ATXN7L1: variants seen among roughly 807,000 people sequenced by gnomAD.
ATXN7L1 encodes the protein ataxin-7-like protein 1.
In ATXN7L1, 15 loss-of-function variants were observed where a neutral mutation model predicts 70.8. That is an observed-to-expected ratio of 0.21 (90% confidence interval 0.14 to 0.33). The LOEUF is 0.33. Among genes scored for constraint, ATXN7L1 ranks in the 10% least tolerant of loss-of-function variants. ATXN7L1 has a pLI of 1.00. For synonymous variants in ATXN7L1, 440 were observed against 445.1 expected (o/e 0.99, Z 0.14); for missense variants, 975 against 1,097.1 (o/e 0.89, Z 1.57).
chr7:105,817,130 ATC>A (rs1468336138), intron 2 of ATXN7L1, among the ~76,000 whole-genome samples: 4 of 152,202 alleles, frequency 2.6e-5, no homozygotes, highest in African/African-American at 4.8e-5. Flanking sequence ...TATTTTTATT[ATC>A]TCTCTGATGT....
At chr7:105,745,095 T>C (rs1798432205) in intron 3 of ATXN7L1, among the ~76,000 whole-genome samples, 1 of 152,212 alleles carries the variant, frequency 6.6e-6, no homozygotes, top group East Asian at 1.9e-4. Flanking sequence ...CTTTAATCAA[T>C]GATGTTAGTT....
At chr7:105,762,075 T>G (rs917434021) in intron 3 of ATXN7L1, among the ~76,000 whole-genome samples, 4 of 152,204 alleles carry the variant, frequency 2.6e-5, no homozygotes, top group African/African-American at 9.7e-5. Flanking sequence ...ATCCACCCCA[T>G]GGGAGGGACT....
intron 3 of ATXN7L1, among the ~76,000 whole-genome samples, chr7:105,707,475 T>C (rs1448255966): frequency 1.3e-5 from 2 of 152,172 alleles, no homozygotes; most frequent in African/African-American, 4.8e-5. Context: ...GGCTGGGCTA[T>C]GGGCTGAACC....
intron 3 of ATXN7L1, among the ~76,000 whole-genome samples, chr7:105,752,010 A>G (rs888473626): frequency 2.0e-5 from 3 of 152,274 alleles, no homozygotes; most frequent in African/African-American, 7.2e-5. Context: ...AGACATATCT[A>G]TCAGCATTTA....
intron 2 of ATXN7L1, among the ~76,000 whole-genome samples, chr7:105,850,967 A>G (rs1041745439): frequency 5.9e-5 from 9 of 152,074 alleles, no homozygotes; most frequent in Non-Finnish European, 1.2e-4. Flanking sequence ...CCGCTTCCTT[A>G]TAACTTACCT....
At chr7:105,703,047 C>T (rs1235945943) in intron 3 of ATXN7L1, among the ~76,000 whole-genome samples, 3 of 152,150 alleles carry the variant, frequency 2.0e-5, no homozygotes, top group Admixed American at 1.3e-4. Flanking sequence ...ACCTAGGAGG[C>T]GGAGCTTGCA....
At chr7:105,718,572 C>T (rs1794831390) in intron 3 of ATXN7L1, among the ~76,000 whole-genome samples, 1 of 152,222 alleles carries the variant, frequency 6.6e-6, no homozygotes, top group African/African-American at 2.4e-5. Flanking sequence ...ACCCTGAAAC[C>T]TCCCAGGCAG....
intron 2 of ATXN7L1, among the ~76,000 whole-genome samples, chr7:105,844,078 A>G (rs1458328218): frequency 1.3e-5 from 2 of 152,118 alleles, no homozygotes; most frequent in African/African-American, 4.8e-5. Context: ...CTCCACCCCA[A>G]ATGGCCTGCA....
intron 3 of ATXN7L1, among the ~76,000 whole-genome samples, chr7:105,714,646 G>T (rs1794313230): frequency 6.6e-6 from 1 of 151,822 alleles, no homozygotes; most frequent in Non-Finnish European, 1.5e-5. Context: ...ATGGCATCTG[G>T]ATAGCTTCTT....
At chr7:105,720,543 C>T (rs993399134) in intron 3 of ATXN7L1, among the ~76,000 whole-genome samples, 3 of 152,084 alleles carry the variant, frequency 2.0e-5, no homozygotes, top group Non-Finnish European at 4.4e-5. Flanking sequence ...CTCAGCCTCC[C>T]GAGTAGTTGG....
At chr7:105,666,758 G>T (rs1802676228) in intron 3 of ATXN7L1, among the ~76,000 whole-genome samples, 1 of 152,148 alleles carries the variant, frequency 6.6e-6, no homozygotes, top group South Asian at 2.1e-4. Flanking sequence ...GTAGACCTTT[G>T]CATACAGCTT....
chr7:105,622,447 T>TAGA (rs1795072255), intron 8 of ATXN7L1, among the ~76,000 whole-genome samples: 4 of 152,202 alleles, frequency 2.6e-5, no homozygotes, highest in African/African-American at 9.6e-5. Flanking sequence ...GGCTGGCATG[T>TAGA]TACGCCTCCA....
intron 3 of ATXN7L1, among the ~76,000 whole-genome samples, chr7:105,754,284 C>T (rs1273428290): frequency 6.6e-6 from 1 of 152,152 alleles, no homozygotes; most frequent in Admixed American, 6.5e-5. Context: ...CCTGGAGAGA[C>T]CACAGACACT....
At chr7:105,730,417 C>T (rs186918071) in intron 3 of ATXN7L1, among the ~76,000 whole-genome samples, 1 of 152,126 alleles carries the variant, frequency 6.6e-6, no homozygotes, top group East Asian at 1.9e-4. Context: ...ACAAGGAAAG[C>T]CTGAGAGACT....
intron 2 of ATXN7L1, among the ~76,000 whole-genome samples, chr7:105,831,847 T>C (rs1811668916): frequency 6.6e-6 from 1 of 152,208 alleles, no homozygotes; most frequent in Non-Finnish European, 1.5e-5. Flanking sequence ...TGGGGTGGGC[T>C]AGGCATGGGA....
At chr7:105,803,851 G>C (rs1807178708) in intron 2 of ATXN7L1, among the ~76,000 whole-genome samples, 1 of 152,182 alleles carries the variant, frequency 6.6e-6, no homozygotes, top group Non-Finnish European at 1.5e-5. Flanking sequence ...AAGGCTCAGG[G>C]GTGAGAATCA....
chr7:105,860,337 G>T (rs1012462695), intron 2 of ATXN7L1, among the ~76,000 whole-genome samples: 1 of 151,948 alleles, frequency 6.6e-6, no homozygotes, highest in Non-Finnish European at 1.5e-5. Flanking sequence ...AACTTTAGGT[G>T]CTCAAAGATG....
intron 3 of ATXN7L1, among the ~76,000 whole-genome samples, chr7:105,758,714 T>G (rs779039995): frequency 3.9e-4 from 60 of 152,356 alleles, no homozygotes; most frequent in Middle Eastern, 3.4e-3. Context: ...ACTCTGTACC[T>G]CCCTACACTG....
At chr7:105,759,559 A>G (rs774907376) in intron 3 of ATXN7L1, among the ~76,000 whole-genome samples, 3 of 151,844 alleles carry the variant, frequency 2.0e-5, no homozygotes, top group Non-Finnish European at 2.9e-5. Context: ...GATCAGAGAG[A>G]CAGGAAAATG....
Sources: allele counts gnomAD v4.1 joint callset (sites outside exome capture counted in the v4.1 genomes callset), GRCh38; gene constraint gnomAD v4.1.1; transcripts MANE v1.5; gene names NCBI Gene and HGNC (gene_info 2026-07-23, HGNC 2026-07-21).